Variants in ELAC2 observed in about 807,000 individuals in gnomAD.
ELAC2 encodes zinc phosphodiesterase ELAC protein 2.
A neutral mutation model predicts 105.2 loss-of-function variants in ELAC2; 92 were observed. That is an observed-to-expected ratio of 0.87 (90% CI 0.74 to 1.04). The LOEUF (loss-of-function observed/expected upper bound fraction) is 1.04, where lower values mean the gene tolerates loss of function less well. Among genes scored for constraint, ELAC2 ranks in the 50% least tolerant of loss-of-function variants. The pLI, the probability that ELAC2 is intolerant of heterozygous loss-of-function variation, is 0.00. For missense variants in ELAC2, 1,099 were observed against 1,071.7 expected (o/e 1.03, Z -0.36); for synonymous variants, 468 against 409.1 (o/e 1.14, Z -1.74).
intron 7 of ELAC2, 98 bp downstream of exon 7, chr17:13,011,565 C>G (rs2041412945): frequency 1.9e-6 from 3 of 1,593,168 alleles, no homozygotes; most frequent in South Asian, 2.2e-5. Flanking sequence ...GTTTACACAC[C>G]TGGCTTTCTT....
Position 12,994,518 on chromosome 17 carries a change from C to A in ELAC2, c.2030-15G>T, listed in dbSNP as rs775705116. ...GGCATCTTTCCCTGGAGAAGCAGCA[C>A]AAGGATCAGGGCAGAGTTCTCTGCG... On this transcript the variant is annotated splice_polypyrimidine_tract_variant and intron_variant, in intron 21 of 23. Transcript: ENST00000338034. 1.2e-6 allele frequency: 2 copies of A among 1,614,052 alleles called. No homozygotes were observed. Among genetic ancestry groups the A allele is most frequent in the African/African-American group, 1.3e-5 (1 of 74,922 alleles).
intron 15 of ELAC2, among the ~76,000 whole-genome samples, chr17:12,999,909 G>A (rs541058391): frequency 3.5e-4 from 54 of 152,252 alleles, no homozygotes; most frequent in Admixed American, 1.0e-3. Context: ...CACCTGCCTC[G>A]GCCTCCCGAA....
Position 13,017,843 on chromosome 17 carries a change from G to C in ELAC2, c.105C>G (p.Asp35Glu), listed in dbSNP as rs1309371365. 3 of 1,577,296 alleles carry C rather than the reference G, an allele frequency of 1.9e-6. No homozygotes were observed. The South Asian group carries it at 3.4e-5, about 18-fold the overall frequency. The change falls in exon 1 of 24, where the codon GAC (aspartate) becomes GAG (glutamate). Residue 35 changes from aspartate to glutamate, a missense_variant. Transcript: ENST00000338034. ...APARRERPRK[D>E]PLRHLRTREK... ...CTCGCGTGCGCAGGTGCCGCAGCGG[G>C]TCCTTGCGCGGCCGCTCGCGGCGGG...
chr17:13,003,668 C>T, intron 11 of ELAC2, 94 bp from the exon 12 acceptor site: 1 of 1,052,812 alleles, frequency 9.5e-7, no homozygotes, highest in Non-Finnish European at 1.5e-6. Context: ...GTGCGGCCCT[C>T]TGCAGCACTG....
At chr17:12,993,872 T>G in intron 22 of ELAC2, 41 bp from the exon 23 acceptor site, 1 of 1,613,676 alleles carries the variant, frequency 6.2e-7, no homozygotes, top group Non-Finnish European at 8.5e-7. Flanking sequence ...TGAACTCAAC[T>G]GCAAGACTGC....
intron 3 of ELAC2, among the ~76,000 whole-genome samples, chr17:13,016,660 G>C (rs1339791646): frequency 6.6e-6 from 1 of 150,570 alleles, no homozygotes; most frequent in Non-Finnish European, 1.5e-5. Context: ...CACACGTGTG[G>C]TCCCAGCTAT....
chr17:13,010,856 G>A (rs1026213629), intron 7 of ELAC2, among the ~76,000 whole-genome samples, 185 bp from the exon 8 acceptor site: 9 of 152,160 alleles, frequency 5.9e-5, no homozygotes, highest in Non-Finnish European at 1.3e-4. Flanking sequence ...ATGTGGAGAT[G>A]TGTTTGCGTA....
intron 12 of ELAC2, chr17:13,002,873 A>T: frequency 2.2e-6 from 1 of 462,586 alleles, no homozygotes; most frequent in Non-Finnish European, 4.0e-6. Context: ...AATGAAAGAG[A>T]CAGCAGGAGA....
rs868152546 is a variant in ELAC2 at position 13,005,950 on chromosome 17, C to T, written c.768G>A (p.Val256=). 2 of 1,614,182 alleles carry T rather than the reference C, an allele frequency of 1.2e-6. No homozygotes were observed. Among genetic ancestry groups the T allele is most frequent in the African/African-American group, 2.7e-5 (2 of 75,034 alleles). The stretch of plus-strand genomic sequence containing the variant: ...GGAGGCCCATCTCCTTTGCTTTGAG[C>T]ACCAAGAAGTTTCCTCTCTTTAAGT... ...KLHLKRGNFL[V]LKAKEMGLPV... is the part of the protein sequence containing the mutation. The change falls in exon 9 of 24, where the codon GTG becomes GTA. Residue 256 remains valine (V), a synonymous_variant. Coordinates refer to ENST00000338034, the MANE Select transcript of ELAC2 (RefSeq NM_018127.7).
chr17:13,010,731 GA>G, intron 7 of ELAC2, 60 bp from the exon 8 acceptor site: 2 of 1,433,678 alleles, frequency 1.4e-6, no homozygotes, highest in Non-Finnish European at 2.0e-6. Context: ...AGACATCACA[GA>G]CTGATTATGA....
intron 22 of ELAC2, among the ~76,000 whole-genome samples, 170 bp from the exon 23 acceptor site, chr17:12,994,001 C>T (rs949533932): frequency 6.6e-5 from 10 of 152,170 alleles, no homozygotes; most frequent in African/African-American, 2.2e-4. Context: ...CCAGAGCCTT[C>T]GCACACACCC....
rs1567743089 is a variant in ELAC2, at chr17:12,995,067, A to G, written c.1809-5T>C. 5 of 1,613,802 alleles carry G rather than the reference A, an allele frequency of 3.1e-6. No individual in the cohort carries two copies. The highest frequency in any genetic ancestry group is 4.2e-6 in the Non-Finnish European group (5 of 1,179,740). Reference sequence around the variant, plus strand: ...AGGCATTTGGCAGGAATCATACTGTAAAAAGACAAAACATTTAAAATGATA... The same window carrying G: ...AGGCATTTGGCAGGAATCATACTGTGAAAAGACAAAACATTTAAAATGATA... On this transcript the variant is annotated splice_region_variant and splice_polypyrimidine_tract_variant and intron_variant, in intron 19 of 23. Coordinates refer to ENST00000338034, the MANE Select transcript of ELAC2 (RefSeq NM_018127.7).
intron 4 of ELAC2, among the ~76,000 whole-genome samples, chr17:13,015,448 T>A (rs1218434652): frequency 1.3e-5 from 2 of 152,244 alleles, no homozygotes; most frequent in Non-Finnish European, 2.9e-5. Context: ...CTTTCTTGTG[T>A]GCCTACTTGG....
chr17:13,000,037 TG>T (rs1166530490), intron 15 of ELAC2, 118 bp downstream of exon 15: 3 of 874,580 alleles, frequency 3.4e-6, no homozygotes, highest in Non-Finnish European at 5.6e-6. Flanking sequence ...AGAGAAGCCC[TG>T]GATTAGACTG....
intron 13 of ELAC2, 36 bp from the exon 14 acceptor site, chr17:13,002,395 G>A: frequency 1.9e-6 from 3 of 1,614,174 alleles, no homozygotes; most frequent in Non-Finnish European, 8.5e-7. Flanking sequence ...GAGAGAAAGA[G>A]AGGGGACGAG....
At chr17:13,015,900 C>G (rs1598274675) in intron 3 of ELAC2, 68 bp from the exon 4 acceptor site, 6 of 1,164,626 alleles carry the variant, frequency 5.2e-6, no homozygotes, top group Middle Eastern at 3.9e-4. Context: ...GAGGAGCACC[C>G]CGTACTAATC....
chr17:12,999,850 G>A (rs1257739230), intron 15 of ELAC2, among the ~76,000 whole-genome samples: 1 of 152,166 alleles, frequency 6.6e-6, no homozygotes, highest in African/African-American at 2.4e-5. Flanking sequence ...GTAGAGACGG[G>A]GTTTCATCAT....
chr17:13,008,824 C>T (rs2041250520), intron 8 of ELAC2, among the ~76,000 whole-genome samples: 1 of 152,108 alleles, frequency 6.6e-6, no homozygotes. Flanking sequence ...GCGTTATAGG[C>T]TAATCCAGTG....
chr17:13,003,616 G>A lies in ELAC2; in HGVS notation c.984-42C>T, dbSNP rs748345859. The A allele has an allele frequency of 7.0e-6, 11 of 1,577,766 alleles. No individual in the cohort carries two copies. The East Asian group carries it at 2.2e-4, about 32-fold the overall frequency. The stretch of plus-strand genomic sequence containing the variant: ...GGCTTTACAAAGTGATGCAGACTCA[G>A]GACACACCAAGACAGGGACCACGCA... On this transcript the variant is annotated intron_variant, in intron 11 of 23. Transcript: ENST00000338034.
Sources: gnomAD v4.1 joint callset for allele counts (sites outside exome capture counted in the v4.1 genomes callset) on GRCh38, gnomAD v4.1.1 for gene constraint, MANE v1.5 for transcripts, NCBI Gene and HGNC (gene_info 2026-07-23, HGNC 2026-07-21) for gene names.